Variants in PDXDC1 observed in about 807,000 individuals in gnomAD.
PDXDC1 encodes the protein pyridoxal-dependent decarboxylase domain-containing protein 1.
PDXDC1 carries 42 observed loss-of-function variants against 100.1 expected under a neutral mutation model. That is an observed-to-expected ratio of 0.42 (90% confidence interval 0.33 to 0.54). PDXDC1 has a LOEUF of 0.54. Among genes scored for constraint, PDXDC1 ranks in the 20% least tolerant of loss-of-function variants. PDXDC1 has a pLI of 0.10. For synonymous variants in PDXDC1, 260 were observed against 371.7 expected, an observed-to-expected ratio of 0.70 and a Z score of 3.46; for missense variants, 636 against 979.2, an observed-to-expected ratio of 0.65 and a Z score of 4.68.
chr16:15,137,372 C>A lies in PDXDC1; in HGVS notation c.1400-1507C>A, dbSNP rs2048381344. ...GGAGGCACTAGAGGGCTGGGCCGCC[C>A]CACACAGGCACCAGCCCTGCTCCGA... On this transcript the variant is annotated intron_variant, in intron 16 of 16. Coordinates refer to the PDXDC1 transcript ENST00000535621. 17 of 1,518,732 alleles carry A rather than the reference C, an allele frequency of 1.1e-5. 1 individual carries two copies. The South Asian group carries it at 2.0e-4, about 18-fold the overall frequency. 94.1% of individuals were successfully genotyped at this position (1,518,732 alleles called of 1,614,324 possible). A position where few individuals can be genotyped will look rare whatever the true frequency, so the allele number is the denominator to read the frequency against.
chr16:15,137,610 C>G, intron 16 of PDXDC1: 3 of 1,368,618 alleles, frequency 2.2e-6, no homozygotes, highest in Non-Finnish European at 3.0e-6. Flanking sequence ...CCCATCCGCC[C>G]GCCGCACTCA....
chr16:15,008,722 A>G (rs2041007110), intron 6 of PDXDC1, 57 bp from the exon 7 acceptor site: 9 of 1,532,500 alleles, frequency 5.9e-6, no homozygotes, highest in Middle Eastern at 1.7e-4. Flanking sequence ...GCCTTTCACA[A>G]TCTGAAGTGA....
chr16:15,104,402 TTGGGAGGTGTCTTGAGATTATCATC>T (rs751415387), intron 16 of PDXDC1: 31,231 of 1,591,486 alleles, frequency 0.02, 1,515 homozygotes, highest in African/African-American at 0.1. Context: ...GCAGACACAC[TTGGGAGGTGTCTTGAGATTATCATC>T]CGCTGAGGGT....
At position 15,130,719 on chromosome 16, in the gene PDXDC1, T is replaced by A. The variant is rs189177513; in HGVS notation, c.1400-8160T>A. 13,314 of 1,498,742 alleles carry A rather than the reference T, an allele frequency of 8.9e-3. 99 individuals are homozygous for A. Among genetic ancestry groups the A allele is most frequent in the South Asian group, 0.015 (1,375 of 88,776 alleles). The allele number at this position is 1,498,742 out of a possible 1,614,324, so 92.8% of individuals were successfully genotyped here. ...GATCCTCCTGCTAGCCGAGCAGTTGTGCTCATTGGGCCGGGGCTCCGAGTG... is the reference window on the plus strand; with the variant it reads ...GATCCTCCTGCTAGCCGAGCAGTTGAGCTCATTGGGCCGGGGCTCCGAGTG... On this transcript the variant is annotated intron_variant, in intron 16 of 16. Transcript: ENST00000535621.
At chr16:15,056,599 G>A (rs2044534396) in intron 16 of PDXDC1, among the ~76,000 whole-genome samples, 1 of 152,024 alleles carries the variant, frequency 6.6e-6, no homozygotes. Flanking sequence ...AACATAGTGA[G>A]ACCCACCCTC....
intron 16 of PDXDC1, chr16:15,085,710 A>G (rs1344260954): frequency 1.2e-6 from 2 of 1,612,814 alleles, no homozygotes; most frequent in Non-Finnish European, 1.7e-6. Flanking sequence ...TTTTGAGGGA[A>G]AAAGAAAATA....
At chr16:14,986,437 C>G (rs1291889989) in intron 1 of PDXDC1, among the ~76,000 whole-genome samples, 18 of 152,282 alleles carry the variant, frequency 1.2e-4, no homozygotes, top group Non-Finnish European at 2.2e-4. Context: ...CCACTGCACT[C>G]CAGCCTGGGA....
chr16:15,015,332 A>G (rs2041707348), intron 8 of PDXDC1, among the ~76,000 whole-genome samples: 1 of 152,408 alleles, frequency 6.6e-6, no homozygotes, highest in Non-Finnish European at 1.5e-5. Context: ...TATCTTGGAC[A>G]AATGCTGACA....
intron 16 of PDXDC1, chr16:15,128,075 C>A (rs2047843099): frequency 6.2e-7 from 1 of 1,608,816 alleles, no homozygotes; most frequent in African/African-American, 1.3e-5. Flanking sequence ...GAAGAAGGTG[C>A]TGTGTGCCGT....
chr16:15,135,865 G>A (rs1453348589), intron 16 of PDXDC1: 20 of 1,548,564 alleles, frequency 1.3e-5, no homozygotes, highest in Admixed American at 5.0e-5. Flanking sequence ...CAAATGACAC[G>A]ACAAACACAA....
At chr16:15,111,124 TCACA>T (rs200365846) in intron 16 of PDXDC1, among the ~76,000 whole-genome samples, 73,766 of 138,870 alleles carry the variant, frequency 0.53, 21,262 homozygotes, top group Admixed American at 0.65. Flanking sequence ...TGAGACTCTG[TCACA>T]CACACACACA....
intron 16 of PDXDC1, chr16:15,072,943 TACTC>T (rs1222323894): frequency 1.2e-6 from 2 of 1,613,272 alleles, no homozygotes; most frequent in Admixed American, 1.7e-5. Flanking sequence ...ATCACATTCT[TACTC>T]ACCAATTTGA....
At chr16:15,047,495 G>A (rs1417439460) in intron 16 of PDXDC1, 1 of 1,614,058 alleles carries the variant, frequency 6.2e-7, no homozygotes, top group Non-Finnish European at 8.5e-7. Context: ...TGATCAAGGG[G>A]ACCTCAGCTT....
At chr16:14,982,666 C>G (rs1210500370) in intron 1 of PDXDC1, among the ~76,000 whole-genome samples, 2 of 152,402 alleles carry the variant, frequency 1.3e-5, no homozygotes, top group Non-Finnish European at 2.9e-5. Context: ...TAAGATAAAC[C>G]AGGTTTACAA....
At chr16:15,015,531 G>A (rs1190173369) in intron 8 of PDXDC1, among the ~76,000 whole-genome samples, 6 of 152,078 alleles carry the variant, frequency 3.9e-5, no homozygotes, top group African/African-American at 1.2e-4. Context: ...CCTGGCCAAC[G>A]TAGTGAAACC....
chr16:15,036,681 C>A lies in PDXDC1; in HGVS notation c.*406C>A. The A allele has an allele frequency of 5.1e-6, 1 of 196,370 alleles. No individual in the cohort carries two copies. Among genetic ancestry groups the A allele is most frequent in the Non-Finnish European group, 1.1e-5 (1 of 94,686 alleles). 12.2% of individuals were successfully genotyped at this position (196,370 alleles called of 1,614,324 possible). On this transcript the variant is annotated 3_prime_UTR_variant, in exon 23 of 23. Transcript: ENST00000396410. Reference sequence around the variant, plus strand: ...GGTTCTCTGCAACACTTCACAGAGGCGAGACTGGCTGTATCCTTTGCTGTC... The same window carrying A: ...GGTTCTCTGCAACACTTCACAGAGGAGAGACTGGCTGTATCCTTTGCTGTC...
At chr16:14,978,273 G>A (rs1284094682) in intron 1 of PDXDC1, among the ~76,000 whole-genome samples, 1 of 152,296 alleles carries the variant, frequency 6.6e-6, no homozygotes, top group Non-Finnish European at 1.5e-5. Flanking sequence ...AGGCCCTGTA[G>A]CAGAGTCTCA....
the PDXDC1 span, among the ~76,000 whole-genome samples, chr16:15,145,161 C>T: frequency 6.6e-6 from 1 of 152,196 alleles, no homozygotes; most frequent in East Asian, 1.9e-4. Flanking sequence ...TGGAGGAAGC[C>T]AAGGTAGGAA....
intron 16 of PDXDC1, among the ~76,000 whole-genome samples, chr16:15,063,947 T>C (rs1179579250): frequency 2.6e-5 from 4 of 152,152 alleles, no homozygotes; most frequent in African/African-American, 9.7e-5. Flanking sequence ...AACTCTCTTT[T>C]TTATATTTCT....
Sources: gnomAD v4.1 joint callset for allele counts (sites outside exome capture counted in the v4.1 genomes callset) on GRCh38, gnomAD v4.1.1 for gene constraint, MANE v1.5 for transcripts, NCBI Gene and HGNC (gene_info 2026-07-23, HGNC 2026-07-21) for gene names.